Variants in POLR3H observed in about 807,000 individuals in gnomAD.
POLR3H encodes the protein RNA polymerase III subunit H, also known as DNA-directed RNA polymerase III subunit RPC8.
A neutral mutation model predicts 25.5 loss-of-function variants in POLR3H; 17 were observed. That is an observed-to-expected ratio of 0.67 (90% confidence interval 0.46 to 1.00). The LOEUF is 1.00. Ranked by LOEUF, POLR3H falls within the 50% of genes least tolerant of loss-of-function variation. The pLI is 0.00. For missense variants in POLR3H, 274 were observed against 265.0 expected (o/e 1.03, Z -0.24); for synonymous variants, 129 against 103.0 (o/e 1.25, Z -1.53).
intron 3 of POLR3H, 45 bp downstream of exon 3, chr22:41,532,614 C>G (rs770841716): frequency 6.2e-7 from 1 of 1,613,834 alleles, no homozygotes; most frequent in Non-Finnish European, 8.5e-7. Context: ...CTCCTGCCCC[C>G]ACAGTGTTCC....
At chr22:41,531,238 C>G (rs1267096525) in intron 4 of POLR3H, among the ~76,000 whole-genome samples, 5 of 152,244 alleles carry the variant, frequency 3.3e-5, no homozygotes, top group Non-Finnish European at 5.9e-5. Context: ...CCCCACACAC[C>G]CTTTTCATCA....
At chr22:41,529,503 G>A (rs577332567) in intron 5 of POLR3H, among the ~76,000 whole-genome samples, 167 bp from the exon 6 acceptor site, 1 of 152,356 alleles carries the variant, frequency 6.6e-6, no homozygotes, top group East Asian at 1.9e-4. Context: ...TGCTCCCAAC[G>A]GGCACGCAGC....
chr22:41,529,571 T>C, intron 5 of POLR3H: 1 of 694,762 alleles, frequency 1.4e-6, no homozygotes, highest in Non-Finnish European at 2.6e-6. Context: ...CAGGGACCCT[T>C]CCTCACCCTT....
intron 1 of POLR3H, chr22:41,543,630 AAAC>A: frequency 2.6e-6 from 1 of 386,684 alleles, no homozygotes; most frequent in Non-Finnish European, 5.1e-6. Context: ...CAAAAACAAA[AAAC>A]AAAACAAAAC....
Position 41,526,216 on chromosome 22 carries a change from T to C in POLR3H, c.*3067A>G. 1 of 1,567,146 alleles carries C rather than the reference T, an allele frequency of 6.4e-7. No homozygotes were observed. Among genetic ancestry groups the C allele is most frequent in the Non-Finnish European group, 8.7e-7 (1 of 1,147,474 alleles). On this transcript the variant is annotated 3_prime_UTR_variant, in exon 6 of 6. Coordinates refer to ENST00000355209, the MANE Select transcript of POLR3H (RefSeq NM_001018050.4). ...CTCTGGAGGGCTTGTCATCCACCCCTCCAGGGCCATGCCCTGACCTCTGTC... is the reference window on the plus strand; with the variant it reads ...CTCTGGAGGGCTTGTCATCCACCCCCCCAGGGCCATGCCCTGACCTCTGTC...
Position 41,528,899 on chromosome 22 carries a change from C to G in POLR3H, c.*384G>C, listed in dbSNP as rs1266756406. ...ACTCCCATCTAAAGTTTTTCTCCTG[C>G]CTGATCATTTCATTGGTGGCTGAAG... On this transcript the variant is annotated 3_prime_UTR_variant, in exon 6 of 6. Coordinates refer to ENST00000355209, the MANE Select transcript of POLR3H (RefSeq NM_001018050.4). The G allele has an allele frequency of 1.9e-6, 1 of 522,326 alleles. No homozygotes were observed. Among genetic ancestry groups the G allele is most frequent in the Admixed American group, 3.7e-5 (1 of 27,244 alleles). The allele number at this position is 522,326 out of a possible 1,614,324, so 32.4% of individuals were successfully genotyped here.
chr22:41,533,864 C>T (rs190567367), intron 2 of POLR3H, among the ~76,000 whole-genome samples: 5 of 152,270 alleles, frequency 3.3e-5, no homozygotes, highest in African/African-American at 4.8e-5. Context: ...AGAGGCCGGG[C>T]GGGGTGGCTC....
chr22:41,529,641 A>C (rs1293245809), intron 5 of POLR3H: 1 of 674,494 alleles, frequency 1.5e-6, no homozygotes, highest in South Asian at 1.4e-5. Flanking sequence ...AGCAAACACA[A>C]GGCCCATGCT....
chr22:41,540,618 G>A, intron 2 of POLR3H, 81 bp downstream of exon 2: 4 of 1,086,864 alleles, frequency 3.7e-6, no homozygotes, highest in Non-Finnish European at 5.7e-6. Flanking sequence ...ACGCACCACT[G>A]AACCTGGATT....
At chr22:41,532,404 G>C (rs1046994631) in intron 3 of POLR3H, among the ~76,000 whole-genome samples, 4 of 152,208 alleles carry the variant, frequency 2.6e-5, no homozygotes, top group Non-Finnish European at 5.9e-5. Flanking sequence ...GCCAGTGGGC[G>C]CTAAAGACTC....
In POLR3H at chr22:41,526,735, A is replaced by C; in HGVS notation, c.*2548T>G. On this transcript the variant is annotated 3_prime_UTR_variant, in exon 6 of 6. Transcript: ENST00000355209. ...CAAAGACAAGGAAGGGGGCCGACTC[A>C]GGAAGTCAGAGGCCAAAAGCTCAGA... is the stretch of plus-strand genomic sequence containing the variant. 1 of 390,854 alleles carries C rather than the reference A, an allele frequency of 2.6e-6. No individual in the cohort carries two copies. Among genetic ancestry groups the C allele is most frequent in the East Asian group, 4.3e-5 (1 of 23,114 alleles). The allele number at this position is 390,854 out of a possible 1,614,324, so 24.2% of individuals were successfully genotyped here.
intron 5 of POLR3H, among the ~76,000 whole-genome samples, chr22:41,530,320 C>T (rs577155759): frequency 2.0e-5 from 3 of 152,064 alleles, no homozygotes; most frequent in South Asian, 2.1e-4. Flanking sequence ...TTTAGCCAGG[C>T]TGGTCTCAAA....
rs536677577 is a variant in POLR3H, at chr22:41,527,795, C to G, written c.*1488G>C. On this transcript the variant is annotated 3_prime_UTR_variant, in exon 6 of 6. Coordinates refer to ENST00000355209, the MANE Select transcript of POLR3H (RefSeq NM_001018050.4). The stretch of plus-strand genomic sequence containing the variant: ...CATAGTCACTGCCCGGGCATTGTCC[C>G]AGGCAGCAGGATTAGGGGCATCTCC... 1 of 1,565,666 alleles carries G rather than the reference C, an allele frequency of 6.4e-7. No homozygotes were observed. Among genetic ancestry groups the G allele is most frequent in the African/African-American group, 1.4e-5 (1 of 73,746 alleles).
chr22:41,543,048 C>T (rs1172070422), intron 1 of POLR3H, among the ~76,000 whole-genome samples: 2 of 152,066 alleles, frequency 1.3e-5, no homozygotes, highest in African/African-American at 4.8e-5. Flanking sequence ...CATCTACTCC[C>T]GCCAGGCTTT....
Position 41,526,704 on chromosome 22 carries a change from C to T in POLR3H, c.*2579G>A, listed in dbSNP as rs1449789319. On this transcript the variant is annotated 3_prime_UTR_variant, in exon 6 of 6. Coordinates refer to ENST00000355209, the MANE Select transcript of POLR3H (RefSeq NM_001018050.4). ...TGAGAGATATCTTAGGATATCTGGC[C>T]CTAGACAAAGACAAGGAAGGGGGCC... is the stretch of plus-strand genomic sequence containing the variant. 3 of 448,640 alleles carry T rather than the reference C, an allele frequency of 6.7e-6. No individual in the cohort carries two copies. The highest frequency in any genetic ancestry group is 1.2e-5 in the Non-Finnish European group (3 of 251,470). The allele number at this position is 448,640 out of a possible 1,614,324, so 27.8% of individuals were successfully genotyped here.
chr22:41,537,814 CT>C (rs951407984), intron 2 of POLR3H, among the ~76,000 whole-genome samples: 89 of 148,292 alleles, frequency 6.0e-4, no homozygotes, highest in African/African-American at 1.0e-3. Context: ...TTTCCTCCAA[CT>C]TTTTTTTTTT....
In POLR3H at chr22:41,528,562, G is replaced by C. The variant is rs863223880; in HGVS notation, c.*721C>G. On this transcript the variant is annotated 3_prime_UTR_variant, in exon 6 of 6. Coordinates refer to ENST00000355209, the MANE Select transcript of POLR3H (RefSeq NM_001018050.4). ...ACACCTTCAACGAGACGCAGATTGA[G>C]TGGTTCCGCGCTGGCAGTGCCCTCA... 9 of 1,613,196 alleles carry C rather than the reference G, an allele frequency of 5.6e-6. No individual in the cohort carries two copies. The highest frequency in any genetic ancestry group is 6.8e-6 in the Non-Finnish European group (8 of 1,180,038).
chr22:41,542,654 A>G (rs147226125), intron 1 of POLR3H, among the ~76,000 whole-genome samples: 1 of 152,092 alleles, frequency 6.6e-6, no homozygotes, highest in African/African-American at 2.4e-5. Flanking sequence ...CTTCTCATTC[A>G]TATCTGCTTT....
intron 2 of POLR3H, among the ~76,000 whole-genome samples, chr22:41,534,850 C>T (rs893227475): frequency 4.0e-5 from 6 of 149,858 alleles, no homozygotes; most frequent in African/African-American, 1.2e-4. Context: ...GCTGAGACTG[C>T]GCCATTGCAC....
Sources: gnomAD v4.1 joint callset for allele counts (sites outside exome capture counted in the v4.1 genomes callset) on GRCh38, gnomAD v4.1.1 for gene constraint, MANE v1.5 for transcripts, NCBI Gene and HGNC (gene_info 2026-07-23, HGNC 2026-07-21) for gene names.